The following HLCS variants were observed in gnomAD, a reference collection of about 807,000 sequenced individuals.
HLCS encodes holocarboxylase synthetase.
A neutral mutation model predicts 75.0 loss-of-function variants in HLCS; 53 were observed. The ratio of observed to expected loss-of-function variants is 0.71; its 90% CI spans 0.57 to 0.89. HLCS has a LOEUF of 0.89. Ranked by LOEUF, HLCS falls within the 40% of genes least tolerant of loss-of-function variation. The pLI is 0.00. For missense variants in HLCS, 966 were observed against 1,074.0 expected, an observed-to-expected ratio of 0.90 and a Z score of 1.41; for synonymous variants, 431 against 428.6, an observed-to-expected ratio of 1.01 and a Z score of -0.07.
chr21:36,780,755 C>T (rs1309306110), intron 6 of HLCS, among the ~76,000 whole-genome samples: 1 of 152,150 alleles, frequency 6.6e-6, no homozygotes, highest in Admixed American at 6.5e-5. Context: ...CCAGAACCCC[C>T]ACTACTGCAC....
chr21:36,890,754 A>T (rs1180828183), intron 6 of HLCS, among the ~76,000 whole-genome samples: 4 of 152,204 alleles, frequency 2.6e-5, no homozygotes, highest in Admixed American at 2.6e-4. Flanking sequence ...ATCCTCCTAG[A>T]TGTGTAAACA....
At chr21:36,834,824 G>A (rs1322793195) in intron 6 of HLCS, among the ~76,000 whole-genome samples, 1 of 152,222 alleles carries the variant, frequency 6.6e-6, no homozygotes, top group African/African-American at 2.4e-5. Flanking sequence ...ATAGTGCTGG[G>A]ATTACAGGCA....
intron 6 of HLCS, among the ~76,000 whole-genome samples, chr21:36,822,618 A>G (rs1288531984): frequency 6.6e-6 from 1 of 152,264 alleles, no homozygotes; most frequent in African/African-American, 2.4e-5. Flanking sequence ...GATGGGCACC[A>G]GCACATATAC....
intron 6 of HLCS, among the ~76,000 whole-genome samples, chr21:36,821,945 C>G (rs947885455): frequency 6.6e-6 from 1 of 152,072 alleles, no homozygotes; most frequent in Non-Finnish European, 1.5e-5. Context: ...GAGAAACTGA[C>G]AGCTGACAGG....
intron 5 of HLCS, among the ~76,000 whole-genome samples, chr21:36,898,483 ATTC>A (rs2065106081): frequency 6.6e-6 from 1 of 151,358 alleles, no homozygotes; most frequent in African/African-American, 2.4e-5. Context: ...AAAAGAAAGC[ATTC>A]AGAAGAAATC....
At chr21:36,792,228 G>A (rs1265569286) in intron 6 of HLCS, among the ~76,000 whole-genome samples, 2 of 152,060 alleles carry the variant, frequency 1.3e-5, no homozygotes, top group African/African-American at 4.8e-5. Context: ...GGCTCCCAGC[G>A]CTACGCTCTG....
At chr21:36,924,915 T>C (rs1371598920) in intron 5 of HLCS, among the ~76,000 whole-genome samples, 1 of 152,102 alleles carries the variant, frequency 6.6e-6, no homozygotes, top group African/African-American at 2.4e-5. Context: ...GAAAAGCAGC[T>C]CCATCTCAGT....
chr21:36,909,395 A>T (rs533698258), intron 5 of HLCS, among the ~76,000 whole-genome samples: 22 of 152,342 alleles, frequency 1.4e-4, no homozygotes, highest in South Asian at 4.1e-4. Context: ...ATTAAACAAT[A>T]CTAAGGCCCA....
upstream of HLCS, among the ~76,000 whole-genome samples, chr21:36,967,829 C>T (rs952268819): frequency 2.0e-5 from 3 of 151,964 alleles, no homozygotes; most frequent in Non-Finnish European, 4.4e-5. Context: ...AAGCGATTCT[C>T]CTGCCTCAGC....
chr21:36,878,169 T>A (rs983066757), intron 6 of HLCS, among the ~76,000 whole-genome samples: 7 of 152,132 alleles, frequency 4.6e-5, no homozygotes, highest in African/African-American at 1.7e-4. Flanking sequence ...TTTCAAATTT[T>A]TTTTCCATCT....
intron 2 of HLCS, among the ~76,000 whole-genome samples, chr21:36,956,460 G>A (rs1049535995): frequency 2.0e-5 from 3 of 152,216 alleles, no homozygotes; most frequent in African/African-American, 7.2e-5. Flanking sequence ...CAGGTGTGGT[G>A]GCTCACACTT....
chr21:36,850,524 C>T (rs967022676), intron 6 of HLCS, among the ~76,000 whole-genome samples: 1 of 152,216 alleles, frequency 6.6e-6, no homozygotes, highest in Admixed American at 6.5e-5. Context: ...TCTTGGGAAG[C>T]CCCTCCCAGA....
chr21:36,810,126 T>A (rs2061470690), intron 6 of HLCS, among the ~76,000 whole-genome samples: 1 of 152,234 alleles, frequency 6.6e-6, no homozygotes, highest in Non-Finnish European at 1.5e-5. Flanking sequence ...TTCATTTGAT[T>A]TCTCTTTTTC....
At chr21:36,896,167 T>C (rs2065003063) in intron 6 of HLCS, among the ~76,000 whole-genome samples, 1 of 152,156 alleles carries the variant, frequency 6.6e-6, no homozygotes, top group Non-Finnish European at 1.5e-5. Flanking sequence ...CTGGGCAACA[T>C]GGTGAAACCC....
chr21:36,939,117 C>T, intron 2 of HLCS, 123 bp from the exon 3 acceptor site: 1 of 822,766 alleles, frequency 1.2e-6, no homozygotes. Flanking sequence ...TCATTAATAA[C>T]AAATTACTGG....
chr21:36,756,242 T>G (rs552767274), intron 10 of HLCS, among the ~76,000 whole-genome samples: 3 of 149,906 alleles, frequency 2.0e-5, no homozygotes, highest in Admixed American at 6.6e-5. Context: ...ATCGAGACCA[T>G]CCTGGCTAAC....
chr21:36,773,937 A>C (rs899303675), intron 6 of HLCS, among the ~76,000 whole-genome samples: 2 of 152,204 alleles, frequency 1.3e-5, no homozygotes, highest in African/African-American at 4.8e-5. Flanking sequence ...AAAAGTTAAA[A>C]CGCTAAAATA....
At chr21:36,974,989 C>G (rs1223487707) in intron 1 of HLCS, 2 of 152,202 alleles carry the variant, frequency 1.3e-5, no homozygotes, top group East Asian at 3.9e-4. Context: ...AACTTCTGGC[C>G]TCCTCTATGT....
At chr21:36,859,278 C>G (rs968706174) in intron 6 of HLCS, among the ~76,000 whole-genome samples, 1 of 152,224 alleles carries the variant, frequency 6.6e-6, no homozygotes, top group African/African-American at 2.4e-5. Flanking sequence ...CGCTTGGCCT[C>G]CCAAAGTGCT....
Sources: gnomAD v4.1 joint callset for allele counts (sites outside exome capture counted in the v4.1 genomes callset) on GRCh38, gnomAD v4.1.1 for gene constraint, MANE v1.5 for transcripts, NCBI Gene and HGNC (gene_info 2026-07-23, HGNC 2026-07-21) for gene names.